Variants in CHN2 observed in about 807,000 individuals in gnomAD.
CHN2 encodes beta-chimaerin.
CHN2 carries 35 observed loss-of-function variants against 56.3 expected under a neutral mutation model. That is an observed-to-expected ratio of 0.62 (90% CI 0.47 to 0.82). CHN2 has a LOEUF of 0.82. Ranked by LOEUF, CHN2 falls within the 40% of genes least tolerant of loss-of-function variation. The probability of loss-of-function intolerance (pLI) is 0.00; values close to 1 mark genes in which losing one functional copy is unlikely to be tolerated. For missense variants in CHN2, 491 were observed against 580.5 expected (o/e 0.85, Z 1.58); for synonymous variants, 210 against 212.8 (o/e 0.99, Z 0.12).
chr7:29,263,887 G>C (rs1363235823), intron 1 of CHN2, among the ~76,000 whole-genome samples: 1 of 151,606 alleles, frequency 6.6e-6, no homozygotes, highest in African/African-American at 2.4e-5. Flanking sequence ...CATCTGGGAA[G>C]TGAGGAGCGT....
intron 6 of CHN2, chr7:29,479,637 G>C (rs1786910873): frequency 4.9e-6 from 5 of 1,015,184 alleles, no homozygotes; most frequent in Admixed American, 5.0e-5. Flanking sequence ...CCCAGGATGG[G>C]GTTCAGAGCC....
chr7:29,308,639 G>A (rs1794351414), intron 1 of CHN2, among the ~76,000 whole-genome samples: 1 of 152,196 alleles, frequency 6.6e-6, no homozygotes, highest in African/African-American at 2.4e-5. Flanking sequence ...TGTGGGCTGG[G>A]CCTGGAATGA....
At chr7:29,391,572 GT>G (rs1472824089) in intron 3 of CHN2, among the ~76,000 whole-genome samples, 1 of 152,124 alleles carries the variant, frequency 6.6e-6, no homozygotes, top group Admixed American at 6.6e-5. Flanking sequence ...TTTTCTAGTG[GT>G]TTTCATTTTC....
chr7:29,184,279 G>A (rs1562814194), intron 2 of CHN2: 1 of 150,252 alleles, frequency 6.7e-6, no homozygotes, highest in African/African-American at 2.4e-5. Context: ...GGATATATAT[G>A]ATATATATAT....
At chr7:29,474,811 A>T (rs1786453894) in intron 6 of CHN2, among the ~76,000 whole-genome samples, 1 of 152,196 alleles carries the variant, frequency 6.6e-6, no homozygotes, top group Non-Finnish European at 1.5e-5. Flanking sequence ...AAGGTTGTGG[A>T]TTGGTGGCAA....
Position 29,508,537 on chromosome 7 carries a change from C to T in CHN2, c.1130-764C>T, listed in dbSNP as rs367613519. Among the ~76,000 whole-genome samples the T allele has an allele frequency of 1.3e-4, 19 of 151,986 alleles. No homozygotes were observed. In the East Asian group the frequency reaches 1.4e-3, roughly 11 times the overall value. On this transcript the variant is annotated intron_variant, in intron 11 of 12. Transcript: ENST00000222792. Reference sequence around the variant, plus strand: ...TGGGATCAGTGTGAGATGCACTTTTCGGATGAGCTGAGGCCCTGACCCCGG... The same window carrying T: ...TGGGATCAGTGTGAGATGCACTTTTTGGATGAGCTGAGGCCCTGACCCCGG...
chr7:29,230,976 G>A (rs1201712037), intron 1 of CHN2, among the ~76,000 whole-genome samples: 2 of 152,156 alleles, frequency 1.3e-5, no homozygotes, highest in Middle Eastern at 3.2e-3. Flanking sequence ...TATTAGGCCC[G>A]TTTTGCAGAT....
At chr7:29,253,785 T>A (rs1467537141) in intron 1 of CHN2, among the ~76,000 whole-genome samples, 1 of 152,252 alleles carries the variant, frequency 6.6e-6, no homozygotes, top group Non-Finnish European at 1.5e-5. Flanking sequence ...TCTCTGAACC[T>A]TAGTTCCTTC....
chr7:29,321,646 C>T (rs1028024351), intron 1 of CHN2, among the ~76,000 whole-genome samples: 1 of 150,478 alleles, frequency 6.6e-6, no homozygotes, highest in Non-Finnish European at 1.5e-5. Context: ...TCTCGGCTCA[C>T]CACAACCTCC....
At chr7:29,167,051 A>C (rs943069205) in intron 2 of CHN2, among the ~76,000 whole-genome samples, 4 of 152,176 alleles carry the variant, frequency 2.6e-5, no homozygotes, top group Non-Finnish European at 4.4e-5. Context: ...CAAAGTGAAC[A>C]ATGTTTACAA....
chr7:29,383,617 C>T (rs866164202), intron 3 of CHN2, among the ~76,000 whole-genome samples: 5 of 152,132 alleles, frequency 3.3e-5, no homozygotes, highest in Non-Finnish European at 7.3e-5. Context: ...AATTGATCAT[C>T]ATAACACATA....
At chr7:29,452,472 A>G (rs1784471486) in intron 6 of CHN2, among the ~76,000 whole-genome samples, 1 of 152,218 alleles carries the variant, frequency 6.6e-6, no homozygotes, top group African/African-American at 2.4e-5. Flanking sequence ...CACCTGCAGT[A>G]TGCCTGTAAT....
At chr7:29,197,293 G>T (rs1783814206) in intron 1 of CHN2, among the ~76,000 whole-genome samples, 1 of 152,190 alleles carries the variant, frequency 6.6e-6, no homozygotes, top group Non-Finnish European at 1.5e-5. Flanking sequence ...AAAGATAATT[G>T]TAGGATTCCC....
chr7:29,456,620 CCCA>C (rs1554296781), intron 6 of CHN2, among the ~76,000 whole-genome samples: 3 of 137,380 alleles, frequency 2.2e-5, no homozygotes, highest in African/African-American at 8.2e-5. Context: ...CCCCCTCCCC[CCCA>C]CCACCACCAC....
rs55722880 is a variant in CHN2, at chr7:29,273,343, G to GTATATA, written c.49+78394_49+78399dup. ...CCATCATGCATATATATATATATGTGTATATATATATATATATATATATAT... is the reference window on the plus strand; with the variant it reads ...CCATCATGCATATATATATATATGTGTATATATATATATATATATATATATATATAT... On this transcript the variant is annotated intron_variant, in intron 1 of 12. Coordinates refer to ENST00000222792, the MANE Select transcript of CHN2 (RefSeq NM_004067.4). Among the ~76,000 whole-genome samples the GTATATA allele has an allele frequency of 3.3e-3, 189 of 58,062 alleles. 1 individual carries two copies. Among genetic ancestry groups the GTATATA allele is most frequent in the Non-Finnish European group, 5.1e-3 (146 of 28,764 alleles). 38.1% of individuals were successfully genotyped at this position (58,062 alleles called of 152,430 possible).
chr7:29,341,253 C>A (rs895369726), intron 1 of CHN2, among the ~76,000 whole-genome samples: 2 of 87,414 alleles, frequency 2.3e-5, no homozygotes, highest in Non-Finnish European at 6.1e-5. Flanking sequence ...TCTGATAGTC[C>A]GTCCAGTTCC....
At chr7:29,331,401 C>G (rs934179413) in intron 1 of CHN2, among the ~76,000 whole-genome samples, 1 of 152,156 alleles carries the variant, frequency 6.6e-6, no homozygotes, top group Non-Finnish European at 1.5e-5. Context: ...ACGGCTAGAG[C>G]CACAGAAGAG....
At chr7:29,206,229 G>C (rs1784507657) in intron 1 of CHN2, among the ~76,000 whole-genome samples, 1 of 152,004 alleles carries the variant, frequency 6.6e-6, no homozygotes, top group Non-Finnish European at 1.5e-5. Context: ...AATCAGTTCT[G>C]CAAGGACCCT....
intron 7 of CHN2, among the ~76,000 whole-genome samples, chr7:29,481,340 G>A (rs1317305057): frequency 6.6e-6 from 1 of 152,214 alleles, no homozygotes; most frequent in Non-Finnish European, 1.5e-5. Context: ...CTTGGAATTA[G>A]ATAACCCTTT....
Sources: allele counts gnomAD v4.1 joint callset (sites outside exome capture counted in the v4.1 genomes callset), GRCh38; gene constraint gnomAD v4.1.1; transcripts MANE v1.5; gene names NCBI Gene and HGNC (gene_info 2026-07-23, HGNC 2026-07-21).